The following HTR4 variants were observed in gnomAD, a reference collection of about 807,000 sequenced individuals.
HTR4 encodes 5-hydroxytryptamine receptor 4.
Under a neutral mutation model 36.8 loss-of-function variants are expected in HTR4, and 16 were observed. The observed-to-expected ratio is 0.43, with a 90% CI of 0.29 to 0.66. The LOEUF (loss-of-function observed/expected upper bound fraction) is 0.66, where lower values mean the gene tolerates loss of function less well. HTR4 is among the 30% of genes least tolerant of loss of function. HTR4 has a pLI of 0.13. For missense variants in HTR4, 438 were observed against 490.9 expected, an observed-to-expected ratio of 0.89 and a Z score of 1.02; for synonymous variants, 189 against 185.1, an observed-to-expected ratio of 1.02 and a Z score of -0.17.
Position 148,550,217 on chromosome 5 carries a change from C to T in HTR4, c.72G>A (p.Thr24=), listed in dbSNP as rs745997108. The T allele has an allele frequency of 5.0e-6, 8 of 1,614,096 alleles. No homozygotes were observed. The highest frequency in any genetic ancestry group is 3.3e-5 in the Admixed American group (2 of 60,020). ...FGSVEKVVLL[T]FLSTVILMAI... ...CCATCAGGATAACCGTCGAGAGAAA[C>T]GTGAGCAGCACCACCTTCTCCACTG... Residue 24 remains threonine (T), a synonymous_variant, in exon 3 of 7, where the codon ACG becomes ACA. Transcript: ENST00000377888.
intron 5 of HTR4, among the ~76,000 whole-genome samples, chr5:148,470,915 C>T (rs1340595339): frequency 6.6e-6 from 1 of 152,158 alleles, no homozygotes; most frequent in Non-Finnish European, 1.5e-5. Flanking sequence ...TCTTGAACTC[C>T]TGACCTCAAA....
chr5:148,641,715 T>C (rs753605114), intron 1 of HTR4, among the ~76,000 whole-genome samples: 6 of 152,222 alleles, frequency 3.9e-5, no homozygotes, highest in Non-Finnish European at 8.8e-5. Context: ...ATCTTATTTA[T>C]GCCACTCAAC....
chr5:148,597,697 T>C (rs376488484), intron 2 of HTR4, among the ~76,000 whole-genome samples: 3 of 152,324 alleles, frequency 2.0e-5, no homozygotes, highest in South Asian at 2.1e-4. Flanking sequence ...CTTTCCTACA[T>C]AGCCTTATCT....
chr5:148,504,058 C>A (rs1757066292), intron 6 of HTR4, among the ~76,000 whole-genome samples: 3 of 152,230 alleles, frequency 2.0e-5, no homozygotes, highest in East Asian at 1.9e-4. Context: ...GACTTTAACA[C>A]CCCACTGTCA....
At chr5:148,524,188 A>C (rs1758154564) in intron 4 of HTR4, among the ~76,000 whole-genome samples, 1 of 152,094 alleles carries the variant, frequency 6.6e-6, no homozygotes. Flanking sequence ...GTTATTGTTA[A>C]GGATACTCAG....
intron 2 of HTR4, among the ~76,000 whole-genome samples, chr5:148,627,035 C>T (rs941773849): frequency 1.5e-4 from 23 of 152,198 alleles, no homozygotes; most frequent in Admixed American, 1.1e-3. Flanking sequence ...TCATGATCTA[C>T]CGGAAATGCT....
chr5:148,557,441 T>C (rs1760002126), intron 2 of HTR4, among the ~76,000 whole-genome samples: 1 of 152,152 alleles, frequency 6.6e-6, no homozygotes, highest in African/African-American at 2.4e-5. Context: ...GTGAGATACC[T>C]ATAGGACATT....
chr5:148,595,309 A>C (rs1411100210), intron 2 of HTR4, among the ~76,000 whole-genome samples: 2 of 152,166 alleles, frequency 1.3e-5, no homozygotes, highest in African/African-American at 4.8e-5. Context: ...TTCTAGCACC[A>C]CCACGACCAA....
At chr5:148,452,223 A>G (rs1019765353) in intron 5 of HTR4, among the ~76,000 whole-genome samples, 2 of 152,244 alleles carry the variant, frequency 1.3e-5, no homozygotes, top group African/African-American at 4.8e-5. Context: ...TGCCTATTAG[A>G]TAGTATCATT....
chr5:148,463,820 C>T (rs1018011846), intron 5 of HTR4, among the ~76,000 whole-genome samples: 2 of 151,560 alleles, frequency 1.3e-5, no homozygotes, highest in African/African-American at 4.8e-5. Flanking sequence ...ACTGATACTA[C>T]CCAACTTCAA....
intron 6 of HTR4, among the ~76,000 whole-genome samples, chr5:148,491,967 T>C (rs529748276): frequency 2.6e-5 from 4 of 152,234 alleles, no homozygotes; most frequent in East Asian, 1.9e-4. Flanking sequence ...CAGGCTCAGG[T>C]ATTGCTTAAG....
rs1014920404 is a variant in HTR4, at chr5:148,453,814, T to C, written c.1077-2542A>G. ...CCCTCTGGATGCTCTATTGTGAATA[T>C]ATGGGATGGAGGTAAGGTGTGGACA... On this transcript the variant is annotated intron_variant, in intron 5 of 5. Transcript: ENST00000521530. Among the ~76,000 whole-genome samples the C allele has an allele frequency of 3.9e-5, 6 of 152,234 alleles. No homozygotes were observed. In the South Asian group the frequency reaches 1.2e-3, roughly 32 times the overall value.
rs116762558 is a variant in HTR4 at position 148,532,928 on chromosome 5, A to T, written c.354-9582T>A. Among the ~76,000 whole-genome samples, 158 of 152,274 alleles carry T rather than the reference A, an allele frequency of 1.0e-3. 1 individual carries two copies. The highest frequency in any genetic ancestry group is 3.7e-3 in the African/African-American group (152 of 41,542). ...TATGTTCCCAGGTGATGCTGTTGCT[A>T]GTGGATTGGAGAACACACTTTGAGA... is the stretch of plus-strand genomic sequence containing the variant. On this transcript the variant is annotated intron_variant, in intron 4 of 6. Coordinates refer to ENST00000377888, the MANE Select transcript of HTR4 (RefSeq NM_000870.7).
chr5:148,499,837 G>C (rs1411071396), intron 6 of HTR4, among the ~76,000 whole-genome samples: 3 of 152,122 alleles, frequency 2.0e-5, no homozygotes, highest in Non-Finnish European at 4.4e-5. Context: ...TAGTTATTGT[G>C]AGATCTGGTT....
chr5:148,502,075 A>G (rs1359594304), intron 6 of HTR4, among the ~76,000 whole-genome samples: 1 of 151,930 alleles, frequency 6.6e-6, no homozygotes, highest in Non-Finnish European at 1.5e-5. Context: ...GAAAAAAAAA[A>G]AAAAGACTGA....
chr5:148,630,114 C>A (rs1351307149), intron 2 of HTR4: 1 of 152,226 alleles, frequency 6.6e-6, no homozygotes, highest in African/African-American at 2.4e-5. Context: ...ACCTCTTTAA[C>A]ATCTCCTTCT....
chr5:148,570,784 A>T (rs1760642894), intron 2 of HTR4, among the ~76,000 whole-genome samples: 1 of 152,122 alleles, frequency 6.6e-6, no homozygotes, highest in South Asian at 2.1e-4. Flanking sequence ...TATCTGGTGT[A>T]TAAAAGAGAA....
chr5:148,555,492 C>A (rs984638623), intron 2 of HTR4, among the ~76,000 whole-genome samples: 1 of 152,190 alleles, frequency 6.6e-6, no homozygotes, highest in Non-Finnish European at 1.5e-5. Context: ...TTAGGCAGAA[C>A]TGTCCATTGA....
chr5:148,479,385 G>A (rs1561568211), downstream of HTR4, among the ~76,000 whole-genome samples: 6 of 152,084 alleles, frequency 3.9e-5, no homozygotes, highest in South Asian at 1.3e-3. Context: ...CAAGACTGAG[G>A]CATGGGAGTT....
Sources: gnomAD v4.1 joint callset for allele counts (sites outside exome capture counted in the v4.1 genomes callset) on GRCh38, gnomAD v4.1.1 for gene constraint, MANE v1.5 for transcripts, NCBI Gene and HGNC (gene_info 2026-07-23, HGNC 2026-07-21) for gene names.